Variants in BTD observed in about 807,000 individuals in gnomAD.
BTD encodes the protein biotinidase, also known as biocytinase.
BTD carries 13 observed loss-of-function variants against 17.7 expected under a neutral mutation model. The ratio of observed to expected loss-of-function variants is 0.74; its 90% confidence interval spans 0.48 to 1.17. The LOEUF is 1.17. BTD is among the 50% of genes most tolerant of loss of function. The pLI is 0.00. For missense variants in BTD, 674 were observed against 650.4 expected, an observed-to-expected ratio of 1.04 and a Z score of -0.39; for synonymous variants, 240 against 245.2, an observed-to-expected ratio of 0.98 and a Z score of 0.20.
At chr3:15,665,828 A>G (rs9843552) in intron 3 of BTD, among the ~76,000 whole-genome samples, 6,283 of 152,268 alleles carry the variant, frequency 0.041, 425 homozygotes, top group African/African-American at 0.14. Flanking sequence ...AAACTTCTGT[A>G]TAACTTTTCT....
chr3:15,721,245 A>G (rs986393122), intron 4 of BTD: 10 of 822,872 alleles, frequency 1.2e-5, no homozygotes, highest in Non-Finnish European at 1.8e-5. Flanking sequence ...CGGAGACAAG[A>G]TAAGTACAGA....
At chr3:15,677,373 C>G (rs2067051390) in intron 3 of BTD, 1 of 758,756 alleles carries the variant, frequency 1.3e-6, no homozygotes, top group Non-Finnish European at 2.2e-6. Context: ...TACCAGTGAT[C>G]ATTAGAGAGG....
At chr3:15,626,649 C>T (rs2065072081) in intron 1 of BTD, among the ~76,000 whole-genome samples, 1 of 152,090 alleles carries the variant, frequency 6.6e-6, no homozygotes. Context: ...TGGTAGCATG[C>T]ACCTGTAGTC....
Position 15,644,630 on chromosome 3 carries a change from C to T in BTD, c.714C>T (p.Leu238=), listed in dbSNP as rs2125501926. ...TCTTTGACCCTGCCATCAGAGTCCT[C>T]AGAGACTACAAGGTGAAGCATGTTG... The part of the protein sequence containing the change: ...ILFFDPAIRV[L]RDYKVKHVVY... Residue 238 remains leucine (L), a synonymous_variant, in exon 4 of 4, where the codon CTC becomes CTT. Coordinates refer to ENST00000643237, the MANE Select transcript of BTD (RefSeq NM_001370658.1). The T allele has an allele frequency of 6.2e-7, 1 of 1,614,190 alleles. No homozygotes were observed.
chr3:15,694,033 G>C (rs2069173302), intron 3 of BTD, among the ~76,000 whole-genome samples: 1 of 151,966 alleles, frequency 6.6e-6, no homozygotes, highest in Admixed American at 6.6e-5. Flanking sequence ...GAGTACCCTG[G>C]TCTCCTGATT....
At chr3:15,641,275 A>G (rs73032013) in intron 2 of BTD, among the ~76,000 whole-genome samples, 14,756 of 152,154 alleles carry the variant, frequency 0.097, 938 homozygotes, top group East Asian at 0.35. Flanking sequence ...TCTTGTTTCC[A>G]GGCTGAGATG....
In BTD at chr3:15,652,362, C is replaced by G. The variant is rs79007469; in HGVS notation, c.*6874C>G. Among the ~76,000 whole-genome samples, 3,909 of 152,244 alleles carry G rather than the reference C, an allele frequency of 0.026. 76 individuals are homozygous for G. The highest frequency in any genetic ancestry group is 0.039 in the Non-Finnish European group (2,675 of 67,992). Reference sequence around the variant, plus strand: ...GATACTGCAGCTTCTATCTTGGTTGCTCACTTGCTATCTTGGGTCCCTCCC... The same window carrying G: ...GATACTGCAGCTTCTATCTTGGTTGGTCACTTGCTATCTTGGGTCCCTCCC... On this transcript the variant is annotated 3_prime_UTR_variant, in exon 4 of 4. Coordinates refer to ENST00000643237, the MANE Select transcript of BTD (RefSeq NM_001370658.1).
At chr3:15,608,113 G>C (rs1251771291) in intron 1 of BTD, among the ~76,000 whole-genome samples, 2 of 152,160 alleles carry the variant, frequency 1.3e-5, no homozygotes, top group African/African-American at 4.8e-5. Context: ...ACAGACACTG[G>C]GAGTTTTCCC....
At chr3:15,665,230 T>G (rs1388117107) in intron 3 of BTD, among the ~76,000 whole-genome samples, 1 of 152,080 alleles carries the variant, frequency 6.6e-6, no homozygotes, top group African/African-American at 2.4e-5. Flanking sequence ...AGAACTGATC[T>G]AGAAGGGAGA....
chr3:15,690,438 A>G (rs910504976), intron 3 of BTD, among the ~76,000 whole-genome samples: 16 of 152,240 alleles, frequency 1.1e-4, no homozygotes, highest in Non-Finnish European at 1.6e-4. Context: ...TAAAAATAAT[A>G]CAAGTTCAAA....
At chr3:15,712,628 A>C (rs1346147289) in exon 4 of BTD, among the ~76,000 whole-genome samples, 1 of 152,168 alleles carries the variant, frequency 6.6e-6, no homozygotes, top group Non-Finnish European at 1.5e-5. Flanking sequence ...CTGTCACCCC[A>C]CCATTGAAAC....
chr3:15,601,415 C>T (rs760488511), upstream of BTD: 3 of 1,614,054 alleles, frequency 1.9e-6, no homozygotes, highest in Non-Finnish European at 2.5e-6. Context: ...ATGACTTTAG[C>T]ACCAGACACC....
chr3:15,658,238 T>C (rs910856332), downstream of BTD, among the ~76,000 whole-genome samples: 3 of 151,852 alleles, frequency 2.0e-5, no homozygotes, highest in Admixed American at 2.0e-4. Flanking sequence ...AGAATACAAG[T>C]TACACTGGTG....
intron 3 of BTD, chr3:15,689,860 G>A: frequency 3.1e-6 from 2 of 639,198 alleles, no homozygotes; most frequent in South Asian, 4.5e-5. Context: ...TCATTTGTGT[G>A]AATAAAGTTA....
Position 15,604,507 on chromosome 3 carries a change from C to G in BTD, c.-17+2613C>G, listed in dbSNP as rs184349371. Among the ~76,000 whole-genome samples the G allele has an allele frequency of 3.1e-3, 470 of 152,360 alleles. 2 individuals are homozygous for G. The highest frequency in any genetic ancestry group is 5.5e-3 in the Non-Finnish European group (377 of 68,038). ...ATGGGAGGGCCTGTTGTGAAGGTCT[C>G]TGACATGCCCTGGAGACATTTTCCC... On this transcript the variant is annotated intron_variant, in intron 1 of 3. Transcript: ENST00000643237.
chr3:15,661,335 G>T (rs1163260948), intron 3 of BTD, among the ~76,000 whole-genome samples: 2 of 151,056 alleles, frequency 1.3e-5, no homozygotes, highest in Non-Finnish European at 2.9e-5. Context: ...CTAGCATTTG[G>T]TGTTGTCAGT....
intron 3 of BTD, among the ~76,000 whole-genome samples, chr3:15,700,510 T>G (rs2070411583): frequency 6.6e-6 from 1 of 151,574 alleles, no homozygotes; most frequent in Admixed American, 6.6e-5. Flanking sequence ...GCGCGGTGGC[T>G]CATGCCTGTA....
chr3:15,610,204 G>T (rs1003704201), intron 1 of BTD, among the ~76,000 whole-genome samples: 1 of 152,184 alleles, frequency 6.6e-6, no homozygotes, highest in Non-Finnish European at 1.5e-5. Context: ...GAGTCACTCA[G>T]CCCCTGGAGG....
intron 1 of BTD, among the ~76,000 whole-genome samples, chr3:15,629,461 T>G (rs1249445733): frequency 6.6e-6 from 1 of 152,200 alleles, no homozygotes; most frequent in Non-Finnish European, 1.5e-5. Context: ...AGAATCTCCC[T>G]TGGGAGAGCT....
Sources: allele counts gnomAD v4.1 joint callset (sites outside exome capture counted in the v4.1 genomes callset), GRCh38; gene constraint gnomAD v4.1.1; transcripts MANE v1.5; gene names NCBI Gene and HGNC (gene_info 2026-07-23, HGNC 2026-07-21).